The following N4BP2L2 variants were observed in gnomAD, a reference collection of about 807,000 sequenced individuals.
The protein encoded by N4BP2L2 is NEDD4 binding protein 2 like 2, also known as NEDD4-binding protein 2-like 2.
N4BP2L2 carries 50 observed loss-of-function variants against 56.2 expected under a neutral mutation model. That is an observed-to-expected ratio of 0.89 (90% CI 0.71 to 1.13). The LOEUF (loss-of-function observed/expected upper bound fraction) is 1.13, where lower values mean the gene tolerates loss of function less well. Among genes scored for constraint, N4BP2L2 ranks in the 50% most tolerant of loss-of-function variants. The pLI, the probability that N4BP2L2 is intolerant of heterozygous loss-of-function variation, is 0.00. For synonymous variants in N4BP2L2, 203 were observed against 223.6 expected, an observed-to-expected ratio of 0.91 and a Z score of 0.82; for missense variants, 689 against 693.8, an observed-to-expected ratio of 0.99 and a Z score of 0.08.
At chr13:32,497,168 T>C (rs1385614568) in intron 6 of N4BP2L2, among the ~76,000 whole-genome samples, 6 of 152,206 alleles carry the variant, frequency 3.9e-5, no homozygotes. Flanking sequence ...GGTTCAGATT[T>C]TCCACAATAC....
intron 7 of N4BP2L2, among the ~76,000 whole-genome samples, chr13:32,441,004 G>A (rs974562696): frequency 3.3e-5 from 5 of 151,574 alleles, no homozygotes; most frequent in East Asian, 1.9e-4. Context: ...ACAGGCACAC[G>A]CCACCACGCC....
At chr13:32,536,638 G>C (rs2056622804) in exon 2 of N4BP2L2, 1 of 1,613,762 alleles carries the variant, frequency 6.2e-7, no homozygotes, top group Non-Finnish European at 8.5e-7. Flanking sequence ...TTTTCTCAGG[G>C]GGTTTGTAAA....
chr13:32,522,137 T>C (rs977534994), intron 4 of N4BP2L2, 45 bp downstream of exon 4: 4 of 1,290,046 alleles, frequency 3.1e-6, no homozygotes, highest in Middle Eastern at 1.8e-4. Flanking sequence ...TGTGAAAAAA[T>C]TGACAAGAAT....
At chr13:32,443,056 T>A in exon 7 of N4BP2L2, 1 of 1,607,338 alleles carries the variant, frequency 6.2e-7, no homozygotes, top group Non-Finnish European at 8.5e-7. Flanking sequence ...TGGTACCAAA[T>A]TGAAAATCCT....
chr13:32,441,676 C>T (rs944760935), intron 7 of N4BP2L2, among the ~76,000 whole-genome samples: 1 of 146,136 alleles, frequency 6.8e-6, no homozygotes, highest in African/African-American at 2.5e-5. Flanking sequence ...AAGAGCGAAA[C>T]TCCCTCTCAA....
intron 6 of N4BP2L2, among the ~76,000 whole-genome samples, chr13:32,484,493 CT>C (rs1038463137): frequency 2.0e-5 from 3 of 149,786 alleles, no homozygotes; most frequent in East Asian, 2.0e-4. Context: ...GTTTTTTTTT[CT>C]TTTTTTGAGA....
At chr13:32,495,997 CCGAGGCTGTGACTA>C (rs1338791305) in intron 6 of N4BP2L2, among the ~76,000 whole-genome samples, 1 of 152,046 alleles carries the variant, frequency 6.6e-6, no homozygotes, top group East Asian at 1.9e-4. Context: ...CCTTTTGACT[CCGAGGCTGTGACTA>C]CTCACCACTG....
chr13:32,442,098 A>G lies in N4BP2L2; in HGVS notation c.2104+290T>C, dbSNP rs559034541. On this transcript the variant is annotated intron_variant, in intron 7 of 9. Coordinates refer to the N4BP2L2 transcript ENST00000357505. ...GCAGCCTATCTCTACTGATTACATAATCCCTTTTTGCCTGCTTCATCCTCC... is the reference window on the plus strand; with the variant it reads ...GCAGCCTATCTCTACTGATTACATAGTCCCTTTTTGCCTGCTTCATCCTCC... 1.7e-3 allele frequency among the ~76,000 whole-genome samples: 254 copies of G among 152,248 alleles called. 4 individuals carry two copies. Among genetic ancestry groups the G allele is most frequent in the Non-Finnish European group, 3.4e-3 (234 of 68,020 alleles).
chr13:32,462,300 G>C (rs983228757), intron 6 of N4BP2L2, among the ~76,000 whole-genome samples: 1 of 152,194 alleles, frequency 6.6e-6, no homozygotes, highest in Non-Finnish European at 1.5e-5. Flanking sequence ...CCAGTAAGAT[G>C]AATGGAACTG....
chr13:32,442,835 AAGGGGT>A, exon 7 of N4BP2L2: 1 of 1,613,760 alleles, frequency 6.2e-7, no homozygotes, highest in South Asian at 1.1e-5. Flanking sequence ...TCAATATTTA[AAGGGGT>A]AGCTTTGATA....
At chr13:32,533,507 C>G (rs2055586103) in intron 2 of N4BP2L2, among the ~76,000 whole-genome samples, 1 of 149,982 alleles carries the variant, frequency 6.7e-6, no homozygotes, top group Non-Finnish European at 1.5e-5. Context: ...CAAACATAAG[C>G]ATTACTAATT....
At chr13:32,496,205 AT>A (rs71071047) in intron 6 of N4BP2L2, among the ~76,000 whole-genome samples, 4,376 of 147,728 alleles carry the variant, frequency 0.03, 157 homozygotes, top group African/African-American at 0.095. Context: ...CCTATTTTTT[AT>A]TTTTTTTTTT....
At chr13:32,529,247 G>T (rs1042323714) in intron 2 of N4BP2L2, among the ~76,000 whole-genome samples, 1 of 152,110 alleles carries the variant, frequency 6.6e-6, no homozygotes, top group African/African-American at 2.4e-5. Flanking sequence ...TGTATAGGTT[G>T]GTGTGAACGT....
chr13:32,517,936 AC>A lies in N4BP2L2; in HGVS notation c.1617del (p.Met539IlefsTer6). 1 of 1,614,062 alleles carries A rather than the reference AC, an allele frequency of 6.2e-7. No homozygotes were observed. Among genetic ancestry groups the A allele is most frequent in the Non-Finnish European group, 8.5e-7 (1 of 1,179,988 alleles). On this transcript the variant is annotated frameshift_variant, in exon 6 of 6. Coordinates refer to ENST00000267068, the Ensembl canonical transcript of N4BP2L2. LOFTEE classifies it high-confidence loss of function. ...ACTGAATTCATTACAATAGAAATGG[AC>A]ATTTGATATTCATAACGATCCAACA...
exon 7 of N4BP2L2, chr13:32,443,622 T>C (rs752609919): frequency 1.2e-6 from 2 of 1,612,028 alleles, no homozygotes; most frequent in South Asian, 1.1e-5. Context: ...TGTCTAATGC[T>C]ATGGTATGCC....
At chr13:32,477,750 T>C (rs2083656881) in intron 6 of N4BP2L2, 3 of 589,692 alleles carry the variant, frequency 5.1e-6, no homozygotes, top group South Asian at 3.9e-5. Flanking sequence ...TGAGCCTAAG[T>C]GGTAAAAGCT....
intron 6 of N4BP2L2, among the ~76,000 whole-genome samples, chr13:32,488,730 TTATC>T (rs1381587183): frequency 1.3e-5 from 2 of 152,196 alleles, no homozygotes; most frequent in African/African-American, 4.8e-5. Context: ...TTCTTTGTGA[TTATC>T]TGTGTGGTGA....
At chr13:32,518,607 C>T (rs1371921627) in intron 5 of N4BP2L2, among the ~76,000 whole-genome samples, 2 of 151,856 alleles carry the variant, frequency 1.3e-5, no homozygotes, top group South Asian at 2.1e-4. Context: ...TAACCTTGCC[C>T]CTGCCCCCAA....
intron 6 of N4BP2L2, among the ~76,000 whole-genome samples, chr13:32,462,623 T>C (rs2080340789): frequency 6.6e-6 from 1 of 152,086 alleles, no homozygotes; most frequent in Non-Finnish European, 1.5e-5. Flanking sequence ...TCTTGAAACA[T>C]TCCCAACACA....
Sources: gnomAD v4.1 joint callset for allele counts (sites outside exome capture counted in the v4.1 genomes callset) on GRCh38, gnomAD v4.1.1 for gene constraint, MANE v1.5 for transcripts, NCBI Gene and HGNC (gene_info 2026-07-23, HGNC 2026-07-21) for gene names.